SKI: variants seen among roughly 807,000 people sequenced by gnomAD.
SKI encodes SKI proto-oncogene.
Under a neutral mutation model 59.3 loss-of-function variants are expected in SKI, and 23 were observed. The observed-to-expected ratio is 0.39, with a 90% CI of 0.28 to 0.55. The LOEUF (loss-of-function observed/expected upper bound fraction) is 0.55. Ranked by LOEUF, SKI falls within the 20% of genes least tolerant of loss-of-function variation. The pLI is 0.67. For missense variants in SKI, 1,017 were observed against 1,038.9 expected (o/e 0.98, Z 0.29); for synonymous variants, 673 against 488.6 (o/e 1.38, Z -4.98).
At chr1:2,232,325 T>A (rs1638656550) in intron 1 of SKI, among the ~76,000 whole-genome samples, 1 of 152,286 alleles carries the variant, frequency 6.6e-6, no homozygotes, top group African/African-American at 2.4e-5. Flanking sequence ...CGGGTGTTTG[T>A]GGCCAGGCCA....
rs1213820281 is a variant in SKI at position 2,269,444 on chromosome 1, TC to T, written c.970-33530del. On this transcript the variant is annotated intron_variant, in intron 1 of 6. Coordinates refer to ENST00000378536, the MANE Select transcript of SKI (RefSeq NM_003036.4). The surrounding 1 kb of genome is among the most constrained non-coding windows in gnomAD (Gnocchi z 4.7). ...GCCAAGCGGACACTGCGGGACACGT[TC>T]CCCAACGTGGGATGTCCGTCCTCAG... Among the ~76,000 whole-genome samples the T allele has an allele frequency of 6.6e-6, 1 of 152,250 alleles. No individual in the cohort carries two copies. The highest frequency in any genetic ancestry group is 1.5e-5 in the Non-Finnish European group (1 of 68,042).
intron 1 of SKI, among the ~76,000 whole-genome samples, chr1:2,285,369 G>A (rs558755055): frequency 6.6e-6 from 1 of 151,966 alleles, no homozygotes; most frequent in African/African-American, 2.4e-5. Context: ...AAAAAAATTA[G>A]CTGAGCGTGG....
In SKI at chr1:2,229,702, C is replaced by G. The variant is rs1040986854; in HGVS notation, c.936C>G (p.Asp312Glu). 6.3e-7 allele frequency: 1 copy of G among 1,592,132 alleles called. No individual in the cohort carries two copies. Among genetic ancestry groups the G allele is most frequent in the Admixed American group, 1.8e-5 (1 of 56,584 alleles). Residue 312 changes from aspartate to glutamate, a missense_variant, in exon 1 of 7, where the codon GAC becomes GAG. Physicochemically the swap from Asp to Glu is conservative, Grantham distance 45 (BLOSUM62 2). Transcript: ENST00000378536. The surrounding 1 kb of genome is among the most constrained non-coding windows in gnomAD (Gnocchi z 6.3). ...TGGACGACGTGAAGGAGAAATTCGA[C>G]TATGGCAACAAGTACAAGCGGCGGG... is the stretch of plus-strand genomic sequence containing the variant. Reference protein sequence around the residue: ...RCLDDVKEKFDYGNKYKRRVP... With the variant: ...RCLDDVKEKFEYGNKYKRRVP...
chr1:2,253,741 G>C (rs912895765), intron 1 of SKI, among the ~76,000 whole-genome samples: 32 of 152,214 alleles, frequency 2.1e-4, no homozygotes, highest in African/African-American at 7.7e-4. Flanking sequence ...GTGAGGCTGC[G>C]GGTCCCTCGT....
chr1:2,262,677 A>G (rs1208235081), intron 1 of SKI, among the ~76,000 whole-genome samples: 4 of 152,006 alleles, frequency 2.6e-5, no homozygotes, highest in Non-Finnish European at 5.9e-5. Flanking sequence ...AAGTCCCCAG[A>G]ATACGGTTCC....
chr1:2,283,080 G>A (rs557061304), intron 1 of SKI, among the ~76,000 whole-genome samples: 153 of 152,218 alleles, frequency 1.0e-3, no homozygotes, highest in Non-Finnish European at 1.8e-3. Context: ...GATCCCGTGG[G>A]AATGACCCCA....
chr1:2,269,137 G>A lies in SKI; in HGVS notation c.970-33841G>A, dbSNP rs1639562576. ...GTTTTATATTTTTTGGGTAGAGATG[G>A]GGTCTCGCCATGTTGTCCAGGCTGG... On this transcript the variant is annotated intron_variant, in intron 1 of 6. Coordinates refer to ENST00000378536, the MANE Select transcript of SKI (RefSeq NM_003036.4). The surrounding 1 kb of genome is among the most constrained non-coding windows in gnomAD (Gnocchi z 4.7). Among the ~76,000 whole-genome samples, 1 of 152,148 alleles carries A rather than the reference G, an allele frequency of 6.6e-6. No homozygotes were observed. The highest frequency in any genetic ancestry group is 1.5e-5 in the Non-Finnish European group (1 of 68,028).
At position 2,242,080 on chromosome 1, in the gene SKI, C is replaced by T. The variant is rs112460367; in HGVS notation, c.969+12345C>T. 8.4e-3 allele frequency among the ~76,000 whole-genome samples: 1,274 copies of T among 152,240 alleles called. 24 individuals carry two copies. The highest frequency in any genetic ancestry group is 0.028 in the African/African-American group (1,182 of 41,534). ...CAATATCTTGTTGGGAGGCAGCAGG[C>T]CAGGAGAGAGCGGAGCTGGTTGGAG... On this transcript the variant is annotated intron_variant, in intron 1 of 6. Transcript: ENST00000378536.
intron 1 of SKI, among the ~76,000 whole-genome samples, chr1:2,231,188 C>A (rs1213016803): frequency 6.6e-6 from 1 of 152,056 alleles, no homozygotes; most frequent in Non-Finnish European, 1.5e-5. Context: ...GGTGGCCGCA[C>A]CCTCGTCAGT....
rs1639596281 is a variant in SKI, at chr1:2,270,647, C to A, written c.970-32331C>A. ...CGGCCTTTCTCTGGGTGTCTGAACC[C>A]AAGGTGAAAAGTTCAGGCTGTCCCT... On this transcript the variant is annotated intron_variant, in intron 1 of 6. Transcript: ENST00000378536. This position sits in a 1 kb window ranked among gnomAD's most constrained non-coding sequence, Gnocchi z 4.1. Among the ~76,000 whole-genome samples the A allele has an allele frequency of 6.6e-6, 1 of 152,048 alleles. No homozygotes were observed. The highest frequency in any genetic ancestry group is 1.5e-5 in the Non-Finnish European group (1 of 67,896).
chr1:2,241,680 A>C (rs1569696882), intron 1 of SKI, among the ~76,000 whole-genome samples: 1 of 152,208 alleles, frequency 6.6e-6, no homozygotes, highest in East Asian at 1.9e-4. Flanking sequence ...GGTGTGAGCC[A>C]CTGCGCCCGG....
chr1:2,253,549 A>G (rs55642209), intron 1 of SKI, among the ~76,000 whole-genome samples: 22,419 of 152,288 alleles, frequency 0.15, 2,104 homozygotes, highest in African/African-American at 0.27. Context: ...CTTCCTGCAC[A>G]TATGCCCTGT....
chr1:2,260,359 G>C (rs1639358348), intron 1 of SKI, among the ~76,000 whole-genome samples: 1 of 152,090 alleles, frequency 6.6e-6, no homozygotes, highest in African/African-American at 2.4e-5. Context: ...GACTGGGTTT[G>C]TTGTTTTACT....
intron 1 of SKI, chr1:2,240,376 G>T: frequency 1.8e-6 from 1 of 559,638 alleles, no homozygotes; most frequent in Non-Finnish European, 2.3e-6. Context: ...AAGAAATGTG[G>T]GCCAGGCAGG....
At chr1:2,278,279 C>T (rs1159932240) in intron 1 of SKI, among the ~76,000 whole-genome samples, 1 of 152,180 alleles carries the variant, frequency 6.6e-6, no homozygotes, top group East Asian at 1.9e-4. Context: ...GGAGGCCTTG[C>T]CTAGAGGCAG....
intron 1 of SKI, among the ~76,000 whole-genome samples, chr1:2,249,616 T>TTGA (rs1639078118): frequency 6.6e-6 from 1 of 152,202 alleles, no homozygotes; most frequent in Admixed American, 6.5e-5. Flanking sequence ...TGAGAGATGC[T>TTGA]TGACTCCCCA....
chr1:2,262,376 G>A (rs1011615522), intron 1 of SKI, among the ~76,000 whole-genome samples: 1 of 147,616 alleles, frequency 6.8e-6, no homozygotes, highest in East Asian at 2.1e-4. Context: ...AGTGGTGGGA[G>A]TGGACACCCT....
rs1365850656 is a variant in SKI at position 2,228,888 on chromosome 1, G to A, written c.122G>A (p.Arg41His). 2 of 1,425,240 alleles carry A rather than the reference G, an allele frequency of 1.4e-6. No homozygotes were observed. Among genetic ancestry groups the A allele is most frequent in the Admixed American group, 2.4e-5 (1 of 41,082 alleles). The allele number at this position is 1,425,240 out of a possible 1,614,324, so 88.3% of individuals were successfully genotyped here. A position where few individuals can be genotyped will look rare whatever the true frequency, so the allele number is the denominator to read the frequency against. The change falls in exon 1 of 7, where the codon CGC becomes CAC. Residue 41 changes from arginine (R) to histidine (H), a missense_variant. Transcript: ENST00000378536. ...SLGGPAAFSA[R>H]WAQEAYKKES... ...GGCGGCCCGGCCGCTTTCTCGGCGC[G>A]CTGGGCGCAGGAGGCCTACAAGAAG...
At chr1:2,298,123 C>T (rs553063840) in intron 1 of SKI, among the ~76,000 whole-genome samples, 5 of 152,302 alleles carry the variant, frequency 3.3e-5, no homozygotes, top group South Asian at 4.1e-4. Context: ...GCTGCTCAAC[C>T]GCTCTGCCAC....
Sources: allele counts gnomAD v4.1 joint callset (sites outside exome capture counted in the v4.1 genomes callset), GRCh38; gene constraint gnomAD v4.1.1; non-coding constraint Gnocchi (gnomAD v3.1); transcripts MANE v1.5; gene names NCBI Gene and HGNC (gene_info 2026-07-23, HGNC 2026-07-21).